Variants in ASB7 observed in about 807,000 individuals in gnomAD.
ASB7 encodes ankyrin repeat and SOCS box protein 7.
ASB7 carries 4 observed loss-of-function variants against 32.5 expected under a neutral mutation model. That is an observed-to-expected ratio of 0.12 (90% CI 0.06 to 0.28). The LOEUF (loss-of-function observed/expected upper bound fraction) is 0.28. Ranked by LOEUF, ASB7 falls within the 10% of genes least tolerant of loss-of-function variation. ASB7 has a pLI of 1.00. For synonymous variants in ASB7, 172 were observed against 155.6 expected (o/e 1.11, Z -0.78); for missense variants, 181 against 407.1 (o/e 0.44, Z 4.78).
chr15:100,608,998 T>A (rs568492845), intron 2 of ASB7, among the ~76,000 whole-genome samples: 80 of 152,334 alleles, frequency 5.3e-4, no homozygotes, highest in African/African-American at 1.9e-3. Flanking sequence ...CCTAGAGTTT[T>A]ATGTGGAAGT....
chr15:100,640,071 A>C (rs867592979), intron 5 of ASB7, among the ~76,000 whole-genome samples: 3 of 152,252 alleles, frequency 2.0e-5, no homozygotes, highest in Non-Finnish European at 2.9e-5. Context: ...CACATTTTAT[A>C]CTAGGGTCCC....
intron 5 of ASB7, among the ~76,000 whole-genome samples, chr15:100,637,740 T>A (rs555812998): frequency 6.6e-6 from 1 of 152,364 alleles, no homozygotes; most frequent in Non-Finnish European, 1.5e-5. Flanking sequence ...TGAAAAAAGT[T>A]ATTTAAAAAT....
chr15:100,624,554 A>G (rs931548005), intron 4 of ASB7, among the ~76,000 whole-genome samples: 9 of 152,238 alleles, frequency 5.9e-5, no homozygotes, highest in African/African-American at 1.9e-4. Context: ...AAATGGACAG[A>G]TTTCCTGATG....
chr15:100,635,345 T>G (rs903933414), intron 5 of ASB7, among the ~76,000 whole-genome samples: 4 of 152,232 alleles, frequency 2.6e-5, no homozygotes, highest in African/African-American at 4.8e-5. Context: ...CTTGTTCTGA[T>G]GCTTATTTTG....
chr15:100,629,976 T>C lies in ASB7; in HGVS notation c.751T>C (p.Leu251=), dbSNP rs771288705. The change falls in exon 5 of 6, where the codon TTG becomes CTG. Residue 251 remains leucine (L), a synonymous_variant. Coordinates refer to ENST00000332783, the MANE Select transcript of ASB7 (RefSeq NM_198243.3). This position sits in a 1 kb window ranked among gnomAD's most constrained non-coding sequence, Gnocchi z 6.8. The part of the protein sequence containing the change: ...NTRNYEGQTP[L]AVSISISGSS... ...ACGGAACTATGAAGGACAGACCCCATTGGCTGTTTCAATAAGTATTTCTGG... is the reference window on the plus strand; with the variant it reads ...ACGGAACTATGAAGGACAGACCCCACTGGCTGTTTCAATAAGTATTTCTGG... The C allele has an allele frequency of 2.0e-5, 33 of 1,613,636 alleles. No individual in the cohort carries two copies. Among genetic ancestry groups the C allele is most frequent in the African/African-American group, 4.0e-5 (3 of 74,918 alleles).
chr15:100,615,837 G>A (rs140403615), intron 4 of ASB7, among the ~76,000 whole-genome samples: 1 of 152,304 alleles, frequency 6.6e-6, no homozygotes, highest in Non-Finnish European at 1.5e-5. Context: ...ATAGGACTCT[G>A]TCTCAGATTC....
In ASB7 at chr15:100,606,878, G is replaced by A. The variant is rs558408112; in HGVS notation, c.-173-2829G>A. Among the ~76,000 whole-genome samples, 3 of 152,196 alleles carry A rather than the reference G, an allele frequency of 2.0e-5. No homozygotes were observed. In the South Asian group the frequency reaches 6.2e-4, roughly 32 times the overall value. Reference sequence around the variant, plus strand: ...AACTTACAAAATTACCTCCTGGCCGGGCGCGGTGGCTCACACCTGTAATCC... The same window carrying A: ...AACTTACAAAATTACCTCCTGGCCGAGCGCGGTGGCTCACACCTGTAATCC... On this transcript the variant is annotated intron_variant, in intron 2 of 5. Coordinates refer to ENST00000332783, the MANE Select transcript of ASB7 (RefSeq NM_198243.3).
In ASB7 at chr15:100,629,450, T is replaced by A; in HGVS notation, c.225T>A (p.Val75=). The A allele has an allele frequency of 1.2e-6, 2 of 1,611,720 alleles. No homozygotes were observed. The highest frequency in any genetic ancestry group is 1.7e-6 in the Non-Finnish European group (2 of 1,178,078). ...VFLEHGADPT[V]KDLIGGFTAL... ...TTTTAACTCCAGCTGATCCTACAGTTAAAGACTTAATCGGAGGCTTCACGG... is the reference window on the plus strand; with the variant it reads ...TTTTAACTCCAGCTGATCCTACAGTAAAAGACTTAATCGGAGGCTTCACGG... The change falls in exon 5 of 6, where the codon GTT becomes GTA. Residue 75 remains valine, a synonymous_variant. Coordinates refer to ENST00000332783, the MANE Select transcript of ASB7 (RefSeq NM_198243.3). This position sits in a 1 kb window ranked among gnomAD's most constrained non-coding sequence, Gnocchi z 6.8.
intron 4 of ASB7, among the ~76,000 whole-genome samples, chr15:100,626,976 A>G (rs564375645): frequency 1.3e-5 from 2 of 152,206 alleles, no homozygotes; most frequent in African/African-American, 4.8e-5. Flanking sequence ...TTTTGAGATG[A>G]TGGAATGTTC....
Position 100,616,781 on chromosome 15 carries a change from T to G in ASB7, c.211+4354T>G, listed in dbSNP as rs182493198. Among the ~76,000 whole-genome samples the G allele has an allele frequency of 3.3e-5, 5 of 152,350 alleles. 1 individual carries two copies. Among genetic ancestry groups the G allele is most frequent in the Admixed American group, 3.3e-4 (5 of 15,306 alleles). On this transcript the variant is annotated intron_variant, in intron 4 of 5. Transcript: ENST00000332783. ...TTATGAACCAACTTAGAAAAATTAG[T>G]AGAAGCAAACACCTACTGCCCACTT...
chr15:100,624,857 A>T (rs569633487), intron 4 of ASB7, among the ~76,000 whole-genome samples: 1 of 152,216 alleles, frequency 6.6e-6, no homozygotes, highest in East Asian at 1.9e-4. Context: ...GACAATAGAT[A>T]CCAAAATTCC....
intron 4 of ASB7, among the ~76,000 whole-genome samples, chr15:100,617,784 G>A (rs2039756369): frequency 1.3e-5 from 2 of 152,158 alleles, no homozygotes; most frequent in African/African-American, 4.8e-5. Flanking sequence ...GCTTCTTGAG[G>A]GTAGAACCCA....
chr15:100,636,167 G>T (rs1266271430), intron 5 of ASB7, among the ~76,000 whole-genome samples: 1 of 152,180 alleles, frequency 6.6e-6, no homozygotes, highest in Non-Finnish European at 1.5e-5. Flanking sequence ...ACGGCTCCAG[G>T]TACACAGATC....
chr15:100,638,442 A>G (rs1367796074), intron 5 of ASB7: 1 of 152,132 alleles, frequency 6.6e-6, no homozygotes, highest in Non-Finnish European at 1.5e-5. Context: ...TCACTACTGC[A>G]CTTGACTAGT....
Position 100,612,446 on chromosome 15 carries a change from A to C in ASB7, c.211+19A>C, listed in dbSNP as rs745574277. The C allele has an allele frequency of 4.3e-5, 68 of 1,570,716 alleles. No homozygotes were observed. The highest frequency in any genetic ancestry group is 4.9e-5 in the Non-Finnish European group (56 of 1,140,514). On this transcript the variant is annotated intron_variant, in intron 4 of 5. Transcript: ENST00000332783. The stretch of plus-strand genomic sequence containing the variant: ...CACGGAGGTGAGTTTTGTAGAAGCA[A>C]ATCTTTTTCCCCATGGAGAAACATA...
At chr15:100,646,441 C>A in intron 5 of ASB7, 2 of 459,998 alleles carry the variant, frequency 4.3e-6, no homozygotes, top group South Asian at 1.6e-5. Flanking sequence ...GGTGTTCTCC[C>A]GTTCCATGTG....
At chr15:100,634,156 C>T (rs973496679) in intron 5 of ASB7, among the ~76,000 whole-genome samples, 5 of 152,198 alleles carry the variant, frequency 3.3e-5, no homozygotes, top group Admixed American at 1.3e-4. Context: ...TAGTGAGTTA[C>T]TGAGTTTTTT....
At chr15:100,616,534 A>G (rs886255404) in intron 4 of ASB7, among the ~76,000 whole-genome samples, 5 of 152,108 alleles carry the variant, frequency 3.3e-5, no homozygotes, top group African/African-American at 1.2e-4. Context: ...GTACAGTTTC[A>G]CTTTTTTCCC....
chr15:100,605,908 G>A (rs1289639043), intron 2 of ASB7, among the ~76,000 whole-genome samples: 1 of 152,242 alleles, frequency 6.6e-6, no homozygotes, highest in Non-Finnish European at 1.5e-5. Flanking sequence ...GTGGGTCATG[G>A]ATAAGTTGTG....
Sources: gnomAD v4.1 joint callset for allele counts (sites outside exome capture counted in the v4.1 genomes callset) on GRCh38, gnomAD v4.1.1 for gene constraint, Gnocchi (gnomAD v3.1) non-coding constraint, MANE v1.5 for transcripts, NCBI Gene and HGNC (gene_info 2026-07-23, HGNC 2026-07-21) for gene names.